The following PLCL1 variants were observed in gnomAD, a reference collection of about 807,000 sequenced individuals.
PLCL1 encodes inactive phospholipase C-like protein 1.
Under a neutral mutation model 84.4 loss-of-function variants are expected in PLCL1, and 41 were observed. The ratio of observed to expected loss-of-function variants is 0.49; its 90% CI spans 0.38 to 0.63. The LOEUF (loss-of-function observed/expected upper bound fraction) is 0.63, where lower values mean the gene tolerates loss of function less well. Among genes scored for constraint, PLCL1 ranks in the 30% least tolerant of loss-of-function variants. The pLI, the probability that PLCL1 is intolerant of heterozygous loss-of-function variation, is 0.00. For synonymous variants in PLCL1, 490 were observed against 488.3 expected (o/e 1.00, Z -0.05); for missense variants, 1,206 against 1,367.8 (o/e 0.88, Z 1.87).
chr2:198,044,999 C>T (rs995480189), intron 1 of PLCL1, among the ~76,000 whole-genome samples: 1 of 152,166 alleles, frequency 6.6e-6, no homozygotes, highest in Non-Finnish European at 1.5e-5. Context: ...CTGTGACATC[C>T]AGTAACTTTT....
intron 1 of PLCL1, among the ~76,000 whole-genome samples, chr2:197,906,967 A>C (rs147407729): frequency 3.9e-5 from 6 of 152,300 alleles, no homozygotes; most frequent in African/African-American, 1.4e-4. Context: ...TTTTGGGCTG[A>C]GATGCTGGGG....
At chr2:197,836,825 A>G (rs955388504) in intron 1 of PLCL1, among the ~76,000 whole-genome samples, 2 of 152,000 alleles carry the variant, frequency 1.3e-5, no homozygotes, top group Non-Finnish European at 2.9e-5. Context: ...AGCTTAAGGG[A>G]TCCTCCTACA....
At chr2:197,924,155 G>GGGAGAC (rs1688787776) in intron 1 of PLCL1, among the ~76,000 whole-genome samples, 1 of 135,488 alleles carries the variant, frequency 7.4e-6, no homozygotes, top group African/African-American at 2.8e-5. Flanking sequence ...GAGAGGGAGA[G>GGGAGAC]GGAGAGGGAG....
At chr2:197,864,345 C>G (rs937667939) in intron 1 of PLCL1, among the ~76,000 whole-genome samples, 2 of 147,154 alleles carry the variant, frequency 1.4e-5, no homozygotes, top group Non-Finnish European at 3.0e-5. Context: ...CATGTCAACT[C>G]TTTCTTTTTT....
intron 1 of PLCL1, among the ~76,000 whole-genome samples, chr2:197,865,343 C>T (rs1687509052): frequency 6.6e-6 from 1 of 152,154 alleles, no homozygotes; most frequent in African/African-American, 2.4e-5. Context: ...GATTCCAGCT[C>T]ACCTTTCCAA....
intron 1 of PLCL1, among the ~76,000 whole-genome samples, chr2:197,944,080 T>C (rs963185327): frequency 6.6e-6 from 1 of 152,230 alleles, no homozygotes; most frequent in African/African-American, 2.4e-5. Flanking sequence ...TGAGAAAGGT[T>C]ACTTGTAAAA....
intron 1 of PLCL1, among the ~76,000 whole-genome samples, chr2:198,008,140 A>AT (rs1426822781): frequency 6.6e-6 from 1 of 151,974 alleles, no homozygotes; most frequent in African/African-American, 2.4e-5. Context: ...AACTCTTCCA[A>AT]TTTTTTTCAT....
intron 1 of PLCL1, among the ~76,000 whole-genome samples, chr2:197,907,168 G>A (rs1688401774): frequency 6.6e-6 from 1 of 152,150 alleles, no homozygotes; most frequent in Non-Finnish European, 1.5e-5. Context: ...ATTCAACATA[G>A]TATTGGAAGT....
intron 1 of PLCL1, among the ~76,000 whole-genome samples, chr2:198,060,607 A>C (rs185064237): frequency 1.8e-3 from 272 of 152,324 alleles, no homozygotes; most frequent in Non-Finnish European, 3.1e-3. Flanking sequence ...ACACATGTAC[A>C]TGCTGTTGGA....
chr2:197,923,558 T>G (rs1234599918), intron 1 of PLCL1, among the ~76,000 whole-genome samples: 3 of 109,852 alleles, frequency 2.7e-5, no homozygotes, highest in Non-Finnish European at 3.8e-5. Flanking sequence ...TCTCAGACGA[T>G]GGGCGGCCGG....
intron 1 of PLCL1, among the ~76,000 whole-genome samples, chr2:197,884,659 C>G (rs1190773163): frequency 6.6e-6 from 1 of 152,178 alleles, no homozygotes; most frequent in African/African-American, 2.4e-5. Flanking sequence ...GAGGTTCATT[C>G]ACCAATCCTT....
In PLCL1 at chr2:197,845,745, C is replaced by T. The variant is rs550499235; in HGVS notation, c.240+40406C>T. Among the ~76,000 whole-genome samples the T allele has an allele frequency of 9.1e-4, 139 of 152,220 alleles. 2 individuals carry two copies. The South Asian group carries it at 0.011, about 12-fold the overall frequency. On this transcript the variant is annotated intron_variant, in intron 1 of 5. Coordinates refer to ENST00000428675, the MANE Select transcript of PLCL1 (RefSeq NM_006226.4). ...GCCAAGATGATTTTGTTAAGCTTCACTCTCTATAGTATATATTGTAGAGAA... is the reference window on the plus strand; with the variant it reads ...GCCAAGATGATTTTGTTAAGCTTCATTCTCTATAGTATATATTGTAGAGAA...
At chr2:197,811,161 C>A (rs1405608870) in intron 1 of PLCL1, among the ~76,000 whole-genome samples, 2 of 152,174 alleles carry the variant, frequency 1.3e-5, no homozygotes, top group African/African-American at 4.8e-5. Context: ...TAATAGGAAA[C>A]AATAGACAGA....
intron 1 of PLCL1, among the ~76,000 whole-genome samples, chr2:197,919,516 C>G (rs1688665752): frequency 6.6e-6 from 1 of 152,250 alleles, no homozygotes; most frequent in Non-Finnish European, 1.5e-5. Context: ...AAAACCCCCA[C>G]TCATTGACTT....
intron 1 of PLCL1, among the ~76,000 whole-genome samples, chr2:197,844,943 G>T (rs958846544): frequency 6.6e-5 from 10 of 152,066 alleles, no homozygotes; most frequent in Admixed American, 3.9e-4. Flanking sequence ...GAGATTTCCT[G>T]TCAGTGCAAG....
chr2:198,050,271 A>G (rs1034178127), intron 1 of PLCL1, among the ~76,000 whole-genome samples: 23 of 152,048 alleles, frequency 1.5e-4, no homozygotes, highest in African/African-American at 5.6e-4. Flanking sequence ...GGTAGGTGAG[A>G]TTGGAAGAAA....
chr2:197,983,516 A>G (rs1690161288), intron 1 of PLCL1, among the ~76,000 whole-genome samples: 1 of 151,944 alleles, frequency 6.6e-6, no homozygotes, highest in Non-Finnish European at 1.5e-5. Flanking sequence ...TACAAGCATG[A>G]GCTGCTGCAT....
chr2:198,036,826 A>AT (rs56148670), intron 1 of PLCL1, among the ~76,000 whole-genome samples: 42,804 of 152,024 alleles, frequency 0.28, 7,451 homozygotes, highest in Middle Eastern at 0.48. Context: ...AGTAAAAAAC[A>AT]TTTTTTTACA....
intron 1 of PLCL1, among the ~76,000 whole-genome samples, chr2:198,081,143 A>C (rs1692706647): frequency 6.6e-6 from 1 of 152,244 alleles, no homozygotes; most frequent in South Asian, 2.1e-4. Context: ...ATATACATTC[A>C]TTTAGAGTAG....
Sources: gnomAD v4.1 joint callset for allele counts (sites outside exome capture counted in the v4.1 genomes callset) on GRCh38, gnomAD v4.1.1 for gene constraint, MANE v1.5 for transcripts, NCBI Gene and HGNC (gene_info 2026-07-23, HGNC 2026-07-21) for gene names.